Variants in NAV2 observed in about 807,000 individuals in gnomAD.
NAV2 encodes the protein helicase, APC down-regulated 1.
NAV2 carries 54 observed loss-of-function variants against 223.2 expected under a neutral mutation model. The observed-to-expected ratio is 0.24, with a 90% confidence interval of 0.19 to 0.30. The LOEUF is 0.30. NAV2 is among the 10% of genes least tolerant of loss of function. The probability of loss-of-function intolerance (pLI) is 1.00; values close to 1 mark genes in which losing one functional copy is unlikely to be tolerated. For missense variants in NAV2, 2,806 were observed against 3,147.5 expected (o/e 0.89, Z 2.60); for synonymous variants, 1,279 against 1,239.3 (o/e 1.03, Z -0.67).
intron 1 of NAV2, among the ~76,000 whole-genome samples, chr11:19,730,084 G>T (rs1378720153): frequency 6.6e-6 from 1 of 152,204 alleles, no homozygotes; most frequent in Non-Finnish European, 1.5e-5. Context: ...TAAAGCCTGG[G>T]CTTGAACTTG....
At chr11:20,078,217 C>A in intron 24 of NAV2, 113 bp downstream of exon 24, 1 of 793,426 alleles carries the variant, frequency 1.3e-6, no homozygotes, top group Non-Finnish European at 2.1e-6. Context: ...CGTAATTCAG[C>A]TCCATGTCAG....
rs780559920 is a variant in NAV2, at chr11:19,992,583, C to CTTT, written c.2768+8356_2768+8358dup. Among the ~76,000 whole-genome samples the CTTT allele has an allele frequency of 6.4e-3, 663 of 103,426 alleles. 6 individuals are homozygous for CTTT. The highest frequency in any genetic ancestry group is 8.7e-3 in the Non-Finnish European group (477 of 54,738). The allele number at this position is 103,426 out of a possible 152,430, so 67.9% of individuals were successfully genotyped here. ...AGAGTATAATCATGCTCCTGAAGTA[C>CTTT]TTTTTTTTTTTTTTTTTTTTTTGAG... On this transcript the variant is annotated intron_variant, in intron 11 of 37. Coordinates refer to ENST00000349880, the MANE Select transcript of NAV2 (RefSeq NM_145117.5).
chr11:19,616,522 G>A (rs956896410), intron 1 of NAV2, among the ~76,000 whole-genome samples: 2 of 152,218 alleles, frequency 1.3e-5, no homozygotes, highest in South Asian at 2.1e-4. Context: ...GGGAGAGTTG[G>A]GAGAGGGAAT....
intron 1 of NAV2, among the ~76,000 whole-genome samples, chr11:19,355,832 A>G (rs962531101): frequency 5.3e-5 from 8 of 152,176 alleles, no homozygotes; most frequent in African/African-American, 1.4e-4. Context: ...CCCAAGGTCA[A>G]TCCCAGGCCA....
At chr11:19,428,893 T>C (rs1239155891) in intron 1 of NAV2, among the ~76,000 whole-genome samples, 3 of 152,188 alleles carry the variant, frequency 2.0e-5, no homozygotes, top group African/African-American at 7.2e-5. Context: ...CTAAGAACCT[T>C]GACGTGTGTG....
chr11:19,892,327 T>G (rs1211833917), intron 5 of NAV2, 107 bp from the exon 6 acceptor site: 2 of 1,051,652 alleles, frequency 1.9e-6, no homozygotes, highest in African/African-American at 3.2e-5. Context: ...CTCCACACAA[T>G]GTCTTGGATA....
At chr11:19,795,982 A>AT (rs1203642339) in intron 1 of NAV2, among the ~76,000 whole-genome samples, 1 of 116,060 alleles carries the variant, frequency 8.6e-6, no homozygotes, top group African/African-American at 3.3e-5. Context: ...ATGAATCTGG[A>AT]TTCCCATGGA....
intron 1 of NAV2, among the ~76,000 whole-genome samples, chr11:19,609,573 C>T (rs2046576966): frequency 6.6e-6 from 1 of 152,152 alleles, no homozygotes; most frequent in Non-Finnish European, 1.5e-5. Flanking sequence ...CCTGGCGCTG[C>T]AGTTGGTGGT....
intron 1 of NAV2, among the ~76,000 whole-genome samples, chr11:19,628,169 T>C (rs2047227765): frequency 6.6e-6 from 1 of 152,072 alleles, no homozygotes; most frequent in South Asian, 2.1e-4. Context: ...CCCCATCCGG[T>C]CAGGAAGTGC....
At chr11:19,932,257 A>AAAAAAAAAAAAAAAAAAAAG (rs1555153008) in intron 6 of NAV2, among the ~76,000 whole-genome samples, 4 of 100,006 alleles carry the variant, frequency 4.0e-5, no homozygotes, top group Admixed American at 1.2e-4. Context: ...AAAAAAAAAA[A>AAAAAAAAAAAAAAAAAAAAG]AAAGAAAGAA....
chr11:19,445,971 T>A (rs1851568552), intron 1 of NAV2, among the ~76,000 whole-genome samples: 1 of 152,172 alleles, frequency 6.6e-6, no homozygotes, highest in South Asian at 2.1e-4. Context: ...AGACTCAACT[T>A]CTTAGCTATG....
At chr11:19,996,827 C>T (rs1000634568) in intron 11 of NAV2, among the ~76,000 whole-genome samples, 7 of 152,102 alleles carry the variant, frequency 4.6e-5, no homozygotes, top group South Asian at 2.1e-4. Flanking sequence ...TTGCCTGAAA[C>T]GAGATCTGAA....
chr11:19,442,550 T>C lies in NAV2; in HGVS notation c.75+91523T>C, dbSNP rs1431961191. ...AGGTGCATTTCTCAAATGTGAGAAG[T>C]TGACCTTTCTCTGCTGTTGCTGGGA... On this transcript the variant is annotated intron_variant, in intron 1 of 37. Transcript: ENST00000360655. Among the ~76,000 whole-genome samples, 8 of 152,192 alleles carry C rather than the reference T, an allele frequency of 5.3e-5. No homozygotes were observed. The South Asian group carries it at 6.2e-4, about 12-fold the overall frequency.
chr11:19,935,438 G>C (rs1048144170), intron 7 of NAV2, among the ~76,000 whole-genome samples: 4 of 152,188 alleles, frequency 2.6e-5, no homozygotes, highest in South Asian at 2.1e-4. Flanking sequence ...AGGCACATGT[G>C]CATACCCGTA....
intron 1 of NAV2, among the ~76,000 whole-genome samples, chr11:19,403,880 A>G (rs1372672079): frequency 1.9e-5 from 1 of 51,356 alleles, no homozygotes; most frequent in Non-Finnish European, 6.4e-5. Flanking sequence ...GGACTCTCTG[A>G]TAAGTGACAT....
rs1183404332 is a variant in NAV2, at chr11:19,877,535, T to C, written c.512-2334T>C. 1.4e-4 allele frequency among the ~76,000 whole-genome samples: 20 copies of C among 145,024 alleles called. No homozygotes were observed. The Admixed American group carries it at 1.4e-3, about 10-fold the overall frequency. ...TTGCCCAGGCTGGAGTGCAGTGGCG[T>C]GATCTTGGCTCACTGCAAGCTCCGC... On this transcript the variant is annotated intron_variant, in intron 4 of 37. Transcript: ENST00000349880.
intron 1 of NAV2, among the ~76,000 whole-genome samples, chr11:19,579,187 C>A (rs2134999555): frequency 6.6e-6 from 1 of 152,252 alleles, no homozygotes; most frequent in South Asian, 2.1e-4. Context: ...AGCCGTGTGG[C>A]CTTGGGAAAG....
At chr11:19,800,167 C>T (rs1037830926) in intron 1 of NAV2, among the ~76,000 whole-genome samples, 1 of 152,218 alleles carries the variant, frequency 6.6e-6, no homozygotes, top group Non-Finnish European at 1.5e-5. Flanking sequence ...CTCTGTCCTC[C>T]CCACTAGCTA....
In NAV2 at chr11:19,904,005, C is replaced by A. The variant is rs180852452; in HGVS notation, c.931+11411C>A. Among the ~76,000 whole-genome samples the A allele has an allele frequency of 7.2e-4, 109 of 152,338 alleles. No individual in the cohort carries two copies. In the East Asian group the frequency reaches 0.015, roughly 21 times the overall value. ...ATTGGTCTTCACAAAGCCGTCCACC[C>A]ACTCACTTGGGCAGGCAGCCAGCTG... On this transcript the variant is annotated intron_variant, in intron 6 of 37. Transcript: ENST00000349880.
Sources: allele counts gnomAD v4.1 joint callset (sites outside exome capture counted in the v4.1 genomes callset), GRCh38; gene constraint gnomAD v4.1.1; transcripts MANE v1.5; gene names NCBI Gene and HGNC (gene_info 2026-07-23, HGNC 2026-07-21).